Variants in ALDH16A1 observed in about 807,000 individuals in gnomAD.
ALDH16A1 encodes the protein aldehyde dehydrogenase 16 family member A1.
Under a neutral mutation model 96.1 loss-of-function variants are expected in ALDH16A1, and 88 were observed. That is an observed-to-expected ratio of 0.92 (90% confidence interval 0.77 to 1.09). The LOEUF is 1.09. Ranked by LOEUF, ALDH16A1 falls within the 50% of genes least tolerant of loss-of-function variation. ALDH16A1 has a pLI of 0.00. For synonymous variants in ALDH16A1, 522 were observed against 496.4 expected, an observed-to-expected ratio of 1.05 and a Z score of -0.69; for missense variants, 1,250 against 1,112.6, an observed-to-expected ratio of 1.12 and a Z score of -1.76.
Position 49,462,584 on chromosome 19 carries a change from CCT to C in ALDH16A1, c.929_930del (p.Leu310HisfsTer8), listed in dbSNP as rs2079159461. 1 of 1,612,954 alleles carries C rather than the reference CCT, an allele frequency of 6.2e-7. No individual in the cohort carries two copies. The highest frequency in any genetic ancestry group is 8.5e-7 in the Non-Finnish European group (1 of 1,179,902). ...SDRGPGGLRL[L>X]IQESVWDEAM... ...TTTCCTCACAGGGTGGCCTCAGGCT[CCT>C]CATCCAGGAGTCTGTGTGGGATGAA... On this transcript the variant is annotated frameshift_variant, in exon 8 of 17. Transcript: ENST00000293350. LOFTEE classifies it high-confidence loss of function.
chr19:49,456,307 T>A (rs1316576962), intron 1 of ALDH16A1, among the ~76,000 whole-genome samples: 1 of 152,248 alleles, frequency 6.6e-6, no homozygotes, highest in African/African-American at 2.4e-5. Flanking sequence ...TTGAATCCTT[T>A]CTTCTAACAG....
At position 49,461,694 on chromosome 19, in the gene ALDH16A1, G is replaced by A. The variant is rs750295214; in HGVS notation, c.653G>A (p.Gly218Asp). 43 of 1,608,338 alleles carry A rather than the reference G, an allele frequency of 2.7e-5. No individual in the cohort carries two copies. In the South Asian group the frequency reaches 4.3e-4, roughly 16 times the overall value. ...LLLAQLAGEL[G>D]PFPGILNVLS... ...CTGGCCCAGCTGGCGGGGGAGCTGG[G>A]CCCCTTCCCGGGAATCCTGAATGTC... The change falls in exon 6 of 17, where the codon GGC (glycine) becomes GAC (aspartate). Residue 218 changes from glycine to aspartate, a missense_variant. Coordinates refer to ENST00000293350, the MANE Select transcript of ALDH16A1 (RefSeq NM_153329.4).
In ALDH16A1 at chr19:49,461,144, GGAGTCTGGACTCCT is replaced by G. The variant is rs1226129975; in HGVS notation, c.577+247_577+260del. Reference sequence around the variant, plus strand: ...TCCTGAGTCTGAGGGAGGAGGGGCTGGAGTCTGGACTCCTGGGTCTGAGGGAGGAGGGGCTGGGG... The same window carrying G: ...TCCTGAGTCTGAGGGAGGAGGGGCTGGGGTCTGAGGGAGGAGGGGCTGGGG... On this transcript the variant is annotated intron_variant, in intron 5 of 16. Coordinates refer to ENST00000293350, the MANE Select transcript of ALDH16A1 (RefSeq NM_153329.4). 6.6e-3 allele frequency among the ~76,000 whole-genome samples: 984 copies of G among 148,016 alleles called. 277 individuals are homozygous for G. Among genetic ancestry groups the G allele is most frequent in the African/African-American group, 0.024 (928 of 38,898 alleles).
intron 7 of ALDH16A1, 98 bp downstream of exon 7, chr19:49,462,134 T>G: frequency 7.2e-7 from 1 of 1,390,718 alleles, no homozygotes; most frequent in Non-Finnish European, 9.4e-7. Context: ...TTATTTTATT[T>G]TATTTTATTT....
intron 14 of ALDH16A1, among the ~76,000 whole-genome samples, chr19:49,467,604 T>TAGCC (rs1462913084): frequency 6.7e-6 from 1 of 149,060 alleles, no homozygotes; most frequent in Non-Finnish European, 1.5e-5. Flanking sequence ...TTCACCATGT[T>TAGCC]AGGATGGTCT....
rs150696383 is a variant in ALDH16A1 at position 49,464,671 on chromosome 19, C to A, written c.1477C>A (p.Arg493=). Residue 493 remains arginine, a synonymous_variant, in exon 12 of 17, where the codon CGG becomes AGG. Transcript: ENST00000293350. The part of the protein sequence containing the change: ...EYLRPSGTPA[R]LSCLSKNLNY... ...TCTGCGGCCCTCAGGGACCCCTGCCCGGCTGTCCTGCCTCTCCAAGAACCT... is the reference window on the plus strand; with the variant it reads ...TCTGCGGCCCTCAGGGACCCCTGCCAGGCTGTCCTGCCTCTCCAAGAACCT... 6.2e-7 allele frequency: 1 copy of A among 1,614,188 alleles called. No homozygotes were observed. Among genetic ancestry groups the A allele is most frequent in the African/African-American group, 1.3e-5 (1 of 75,052 alleles).
Position 49,459,796 on chromosome 19 carries a change from T to C in ALDH16A1, c.447T>C (p.His149=). ...VQLAQQLLHY[H]AIQASTQEEA... ...TGGCCCAGCAGCTGCTCCACTACCA[T>C]GCAATCCAGGCATCCACCCAGGAGG... Residue 149 remains histidine (H), a synonymous_variant, in exon 4 of 17, where the codon CAT becomes CAC. Coordinates refer to ENST00000293350, the MANE Select transcript of ALDH16A1 (RefSeq NM_153329.4). This position sits in a 1 kb window ranked among gnomAD's most constrained non-coding sequence, Gnocchi z 4.1. 1 of 1,613,452 alleles carries C rather than the reference T, an allele frequency of 6.2e-7. No homozygotes were observed. The highest frequency in any genetic ancestry group is 2.2e-5 in the East Asian group (1 of 44,834).
Position 49,470,493 on chromosome 19 carries a change from T to A in ALDH16A1, c.*26T>A. 1.3e-6 allele frequency: 2 copies of A among 1,515,466 alleles called. No homozygotes were observed. Among genetic ancestry groups the A allele is most frequent in the Non-Finnish European group, 1.8e-6 (2 of 1,133,854 alleles). 93.9% of individuals were successfully genotyped at this position (1,515,466 alleles called of 1,614,324 possible). A position where few individuals can be genotyped will look rare whatever the true frequency, so the allele number is the denominator to read the frequency against. ...TGCCTGAGCGCCACCTACTGCATTT[T>A]GGACACCTCACACCAAGGGGAGATG... On this transcript the variant is annotated 3_prime_UTR_variant, in exon 17 of 17. Transcript: ENST00000293350.
At chr19:49,462,478 T>A (rs2079158576) in intron 7 of ALDH16A1, 92 bp from the exon 8 acceptor site, 9 of 1,421,850 alleles carry the variant, frequency 6.3e-6, no homozygotes. Context: ...AGTGTCCATG[T>A]CCCTAGTTTT....
In ALDH16A1 at chr19:49,462,639, G is replaced by A; in HGVS notation, c.982G>A (p.Gly328Arg). The A allele has an allele frequency of 6.2e-7, 1 of 1,612,724 alleles. No homozygotes were observed. Among genetic ancestry groups the A allele is most frequent in the Non-Finnish European group, 8.5e-7 (1 of 1,179,936 alleles). The change falls in exon 8 of 17, where the codon GGG becomes AGG. Residue 328 changes from glycine (G) to arginine (R), a missense_variant. Transcript: ENST00000293350. ...EAMRRLQERM[G>R]RLRSGRGLDG... ...CATGAGACGGCTGCAGGAGCGGATG[G>A]GGCGGCTTCGGAGTGGCCGAGGGCT...
chr19:49,466,313 T>C (rs1486949515), intron 14 of ALDH16A1, 30 bp downstream of exon 14: 15 of 1,426,800 alleles, frequency 1.1e-5, no homozygotes, highest in African/African-American at 2.9e-5. Flanking sequence ...CTGGGCCAGC[T>C]GGGCAGGCGG....
Position 49,461,931 on chromosome 19 carries a change from G to A in ALDH16A1, c.807G>A (p.Leu269=). ...RRSLAGECAE[L]GLALGTESLL... ...GCCTGGCGGGAGAGTGTGCGGAGCT[G>A]GGCCTGGCGCTGGGGACGGAGTCGC... The change falls in exon 7 of 17, where the codon CTG becomes CTA. Residue 269 remains leucine, a synonymous_variant. Coordinates refer to ENST00000293350, the MANE Select transcript of ALDH16A1 (RefSeq NM_153329.4). 6.3e-7 allele frequency: 1 copy of A among 1,576,592 alleles called. No individual in the cohort carries two copies. Among genetic ancestry groups the A allele is most frequent in the South Asian group, 1.2e-5 (1 of 86,866 alleles).
intron 16 of ALDH16A1, 54 bp downstream of exon 16, chr19:49,469,040 C>T (rs1601045657): frequency 6.4e-7 from 1 of 1,566,320 alleles, no homozygotes; most frequent in Non-Finnish European, 8.7e-7. Context: ...AAACAGGCTC[C>T]TCCTTTTCTG....
At chr19:49,466,379 C>A in intron 14 of ALDH16A1, 96 bp downstream of exon 14, 1 of 1,274,586 alleles carries the variant, frequency 7.8e-7, no homozygotes, top group Non-Finnish European at 1.0e-6. Flanking sequence ...TCGGGCCCAG[C>A]CCCACCGCCT....
At chr19:49,470,238 C>T (rs1465052402) in intron 16 of ALDH16A1, 68 bp from the exon 17 acceptor site, 2 of 1,578,054 alleles carry the variant, frequency 1.3e-6, no homozygotes, top group Non-Finnish European at 1.7e-6. Context: ...CAGTCTTCAT[C>T]GCGGAGGAAG....
At position 49,453,376 on chromosome 19, in the gene ALDH16A1, C is replaced by G. The variant is rs188268256; in HGVS notation, c.45C>G (p.Thr15=). 6.4e-7 allele frequency: 1 copy of G among 1,570,900 alleles called. No homozygotes were observed. The part of the protein sequence containing the change: ...RAGPRAREIF[T]SLEYGPVPES... ...GGCCCCGCGCCCGCGAGATCTTCAC[C>G]TCGCTGGAGTACGGACCGGTGCCGG... is the stretch of plus-strand genomic sequence containing the variant. The change falls in exon 1 of 17, where the codon ACC becomes ACG. Residue 15 remains threonine (T), a synonymous_variant. Coordinates refer to ENST00000293350, the MANE Select transcript of ALDH16A1 (RefSeq NM_153329.4).
Position 49,468,564 on chromosome 19 carries a change from C to A in ALDH16A1, c.2122C>A (p.Gln708Lys). The change falls in exon 15 of 17, where the codon CAG becomes AAG. Residue 708 changes from glutamine (Q) to lysine (K), a missense_variant and splice_region_variant. Coordinates refer to ENST00000293350, the MANE Select transcript of ALDH16A1 (RefSeq NM_153329.4). This position sits in a 1 kb window ranked among gnomAD's most constrained non-coding sequence, Gnocchi z 4.4. ...ACPLLALEVC[Q>K]DMATVFPAGL... is the part of the protein sequence containing the mutation. ...TCCTCTGCTGGCCCTGGAGGTCTGCCAGGTATAGCCCCCTGCCTTCCTGCC... is the reference window on the plus strand; with the variant it reads ...TCCTCTGCTGGCCCTGGAGGTCTGCAAGGTATAGCCCCCTGCCTTCCTGCC... The A allele has an allele frequency of 6.2e-7, 1 of 1,603,650 alleles. No individual in the cohort carries two copies.
intron 1 of ALDH16A1, among the ~76,000 whole-genome samples, chr19:49,454,795 C>T (rs2079094949): frequency 6.6e-6 from 1 of 152,154 alleles, no homozygotes. Flanking sequence ...CCAGCCTGGG[C>T]AACATAGTGA....
chr19:49,466,295 G>T lies in ALDH16A1; in HGVS notation c.1938+12G>T. On this transcript the variant is annotated intron_variant, in intron 14 of 16. Coordinates refer to ENST00000293350, the MANE Select transcript of ALDH16A1 (RefSeq NM_153329.4). ...GCCACACCCTGCAGGTGAAGGGTCTGTGGGCACCTGGGCCAGCTGGGCAGG... is the reference window on the plus strand; with the variant it reads ...GCCACACCCTGCAGGTGAAGGGTCTTTGGGCACCTGGGCCAGCTGGGCAGG... The T allele has an allele frequency of 7.0e-7, 1 of 1,433,594 alleles. No homozygotes were observed. Among genetic ancestry groups the T allele is most frequent in the African/African-American group, 1.4e-5 (1 of 69,248 alleles). 88.8% of individuals were successfully genotyped at this position (1,433,594 alleles called of 1,614,324 possible). A position where few individuals can be genotyped will look rare whatever the true frequency, so the allele number is the denominator to read the frequency against.
Sources: allele counts gnomAD v4.1 joint callset (sites outside exome capture counted in the v4.1 genomes callset), GRCh38; gene constraint gnomAD v4.1.1; non-coding constraint Gnocchi (gnomAD v3.1); transcripts MANE v1.5; gene names NCBI Gene and HGNC (gene_info 2026-07-23, HGNC 2026-07-21).